Variants in SENP8 observed in about 807,000 individuals in gnomAD.
SENP8 encodes SUMO peptidase family member, NEDD8 specific.
A neutral mutation model predicts 14.4 loss-of-function variants in SENP8; 10 were observed. That is an observed-to-expected ratio of 0.69 (90% confidence interval 0.43 to 1.18). The LOEUF (loss-of-function observed/expected upper bound fraction) is 1.18. Ranked by LOEUF, SENP8 falls within the 50% of genes most tolerant of loss-of-function variation. SENP8 has a pLI of 0.00. For missense variants in SENP8, 202 were observed against 249.4 expected (o/e 0.81, Z 1.28); for synonymous variants, 94 against 95.5 (o/e 0.98, Z 0.09).
In SENP8 at chr15:72,142,284, G is replaced by A. The variant is rs1318773539; in HGVS notation, c.*2022G>A. 1 of 152,108 alleles carries A rather than the reference G, an allele frequency of 6.6e-6. No individual in the cohort carries two copies. Among genetic ancestry groups the A allele is most frequent in the Non-Finnish European group, 1.5e-5 (1 of 68,030 alleles). 9.4% of individuals were successfully genotyped at this position (152,108 alleles called of 1,614,324 possible). A position where few individuals can be genotyped will look rare whatever the true frequency, so the allele number is the denominator to read the frequency against. On this transcript the variant is annotated 3_prime_UTR_variant, in exon 2 of 2. Transcript: ENST00000340912. ...CTATGAAATTTTGAGTATGTCATTT[G>A]TAAATGTTAGCATTATAAATTGCAG...
At chr15:72,126,564 G>A (rs1222917576) in intron 1 of SENP8, among the ~76,000 whole-genome samples, 2 of 152,194 alleles carry the variant, frequency 1.3e-5, no homozygotes, top group Non-Finnish European at 2.9e-5. Context: ...AGCAGAGGTT[G>A]CAGTGAGCCG....
At chr15:72,132,622 C>T (rs1445586267) in intron 1 of SENP8, among the ~76,000 whole-genome samples, 1 of 151,624 alleles carries the variant, frequency 6.6e-6, no homozygotes, top group African/African-American at 2.4e-5. Context: ...TCACTCACCC[C>T]CAACTGAAAC....
At position 72,139,766 on chromosome 15, in the gene SENP8, C is replaced by G. The variant is rs1463145665; in HGVS notation, c.143C>G (p.Ser48Cys). 6.2e-7 allele frequency: 1 copy of G among 1,614,148 alleles called. No homozygotes were observed. Among genetic ancestry groups the G allele is most frequent in the Non-Finnish European group, 8.5e-7 (1 of 1,180,018 alleles). The change falls in exon 2 of 2, where the codon TCT becomes TGT. Residue 48 changes from serine (S) to cysteine (C), a missense_variant. Physicochemically the swap from Ser to Cys is moderately radical, Grantham distance 112 (BLOSUM62 -1). Transcript: ENST00000340912. ...YFANSQFHDC[S>C]DHVSFISPEV... ...GCCAACAGTCAGTTTCATGACTGCT[C>G]TGATCACGTCAGTTTCATCAGCCCT...
At chr15:72,115,483 T>C (rs1297932633), upstream of SENP8, among the ~76,000 whole-genome samples, 1 of 152,212 alleles carries the variant, frequency 6.6e-6, no homozygotes, top group East Asian at 1.9e-4. Flanking sequence ...ACCTAGATTT[T>C]ATCCTGTATG....
At chr15:72,126,739 C>T (rs1567067098) in intron 1 of SENP8, among the ~76,000 whole-genome samples, 2 of 152,244 alleles carry the variant, frequency 1.3e-5, no homozygotes, top group Non-Finnish European at 2.9e-5. Context: ...TCCATAATTT[C>T]TCCTGATTTG....
chr15:72,121,199 A>G (rs1008887525), intron 1 of SENP8, among the ~76,000 whole-genome samples: 5 of 152,194 alleles, frequency 3.3e-5, no homozygotes, highest in African/African-American at 1.2e-4. Flanking sequence ...CTGTGAGAGT[A>G]ATACCAGAAA....
chr15:72,115,165 A>G (rs371600388), upstream of SENP8, among the ~76,000 whole-genome samples: 8 of 152,368 alleles, frequency 5.3e-5, no homozygotes, highest in African/African-American at 1.9e-4. Context: ...GCACTTAATC[A>G]TGTAATTTAC....
At chr15:72,121,584 T>C (rs1378311633) in intron 1 of SENP8, among the ~76,000 whole-genome samples, 1 of 150,522 alleles carries the variant, frequency 6.6e-6, no homozygotes, top group East Asian at 2.0e-4. Flanking sequence ...AAAAAGAAAA[T>C]TAGCCAGACA....
At chr15:72,130,654 C>T (rs1399414882) in intron 1 of SENP8, among the ~76,000 whole-genome samples, 1 of 150,586 alleles carries the variant, frequency 6.6e-6, no homozygotes, top group Non-Finnish European at 1.5e-5. Context: ...ACCTCCACCT[C>T]CCAGGTTCAA....
chr15:72,118,262 T>C (rs915757356), upstream of SENP8: 7 of 310,746 alleles, frequency 2.3e-5, no homozygotes, highest in East Asian at 1.0e-4. Flanking sequence ...ACGCCCCCTT[T>C]CCTACGCCCC....
upstream of SENP8, chr15:72,117,041 G>A (rs2081007917): frequency 6.6e-6 from 1 of 152,246 alleles, no homozygotes; most frequent in Non-Finnish European, 1.5e-5. Context: ...AAAGGATCGC[G>A]ACTAAGGAGA....
rs535711827 is a variant in SENP8 at position 72,122,252 on chromosome 15, T to G, written c.-48+3788T>G. Among the ~76,000 whole-genome samples the G allele has an allele frequency of 4.1e-5, 6 of 147,502 alleles. No homozygotes were observed. In the South Asian group the frequency reaches 1.3e-3, roughly 32 times the overall value. ...GCTCAAATCCAGCTAGTACCCAAAG[T>G]ATGTACTGTCTATATACCTGTCTAT... On this transcript the variant is annotated intron_variant, in intron 1 of 1. Transcript: ENST00000340912.
chr15:72,135,218 C>T lies in SENP8; in HGVS notation c.-47-4359C>T, dbSNP rs538919929. 65 of 178,162 alleles carry T rather than the reference C, an allele frequency of 3.6e-4. 1 individual carries two copies. The South Asian group carries it at 4.1e-3, about 11-fold the overall frequency. 11.0% of individuals were successfully genotyped at this position (178,162 alleles called of 1,614,324 possible). A position where few individuals can be genotyped will look rare whatever the true frequency, so the allele number is the denominator to read the frequency against. ...TTGGGATTACAGGCACCCACCACCA[C>T]GCCCGGCTAATTTTTGTATTTTTAG... On this transcript the variant is annotated intron_variant, in intron 1 of 1. Transcript: ENST00000340912.
chr15:72,137,629 T>A (rs980507642), intron 1 of SENP8, among the ~76,000 whole-genome samples: 4 of 152,206 alleles, frequency 2.6e-5, no homozygotes, highest in Admixed American at 6.5e-5. Context: ...GTAATCACTG[T>A]CACGTTCCAT....
chr15:72,122,718 G>A (rs2081179839), intron 1 of SENP8, among the ~76,000 whole-genome samples: 2 of 152,184 alleles, frequency 1.3e-5, no homozygotes, highest in African/African-American at 2.4e-5. Context: ...TCAGCTATCT[G>A]ACACCTTTTG....
intron 1 of SENP8, among the ~76,000 whole-genome samples, chr15:72,130,673 C>G (rs970778766): frequency 6.7e-6 from 1 of 149,286 alleles, no homozygotes; most frequent in African/African-American, 2.5e-5. Flanking sequence ...AAGCAATTCT[C>G]CTGCCTCAGC....
At chr15:72,118,956 G>C (rs1324530269) in intron 1 of SENP8, among the ~76,000 whole-genome samples, 1 of 152,126 alleles carries the variant, frequency 6.6e-6, no homozygotes, top group Non-Finnish European at 1.5e-5. Flanking sequence ...TCCAGTACCT[G>C]GTCAAAGAAA....
intron 1 of SENP8, among the ~76,000 whole-genome samples, chr15:72,125,903 A>G (rs1293977941): frequency 6.6e-6 from 1 of 151,852 alleles, no homozygotes; most frequent in Non-Finnish European, 1.5e-5. Context: ...GGCTCACTGC[A>G]ACCTCTGCCT....
chr15:72,134,862 T>C (rs1384829831), intron 1 of SENP8: 2 of 282,758 alleles, frequency 7.1e-6, no homozygotes, highest in Non-Finnish European at 1.4e-5. Flanking sequence ...ATGTTGGCAT[T>C]GTTGTAAGCA....
Sources: gnomAD v4.1 joint callset for allele counts (sites outside exome capture counted in the v4.1 genomes callset) on GRCh38, gnomAD v4.1.1 for gene constraint, MANE v1.5 for transcripts, NCBI Gene and HGNC (gene_info 2026-07-23, HGNC 2026-07-21) for gene names.